The following PPP1R1A variants were observed in gnomAD, a reference collection of about 807,000 sequenced individuals.
PPP1R1A encodes protein phosphatase 1 regulatory inhibitor subunit 1A.
PPP1R1A carries 18 observed loss-of-function variants against 23.9 expected under a neutral mutation model. That is an observed-to-expected ratio of 0.75 (90% CI 0.52 to 1.12). The LOEUF is 1.12. Among genes scored for constraint, PPP1R1A ranks in the 50% most tolerant of loss-of-function variants. The pLI is 0.00. For missense variants in PPP1R1A, 207 were observed against 223.8 expected (o/e 0.92, Z 0.48); for synonymous variants, 84 against 80.7 (o/e 1.04, Z -0.22).
At chr12:54,583,371 C>T in intron 2 of PPP1R1A, 123 bp from the exon 3 acceptor site, 1 of 981,120 alleles carries the variant, frequency 1.0e-6, no homozygotes, top group Non-Finnish European at 1.4e-6. Context: ...TCACATCTGC[C>T]CCCAGGCTCT....
chr12:54,585,058 G>A (rs925886258), intron 1 of PPP1R1A, among the ~76,000 whole-genome samples: 4 of 152,194 alleles, frequency 2.6e-5, no homozygotes, highest in Non-Finnish European at 4.4e-5. Context: ...CATTTTGTGT[G>A]ACAGCGCCTG....
At chr12:54,587,151 T>A (rs1463781088) in intron 1 of PPP1R1A, among the ~76,000 whole-genome samples, 2 of 152,182 alleles carry the variant, frequency 1.3e-5, no homozygotes, top group Non-Finnish European at 2.9e-5. Context: ...ATCTCCACAT[T>A]GGGAAGCTGA....
At chr12:54,585,043 G>A (rs1182216636) in intron 1 of PPP1R1A, among the ~76,000 whole-genome samples, 6 of 151,412 alleles carry the variant, frequency 4.0e-5, no homozygotes, top group Non-Finnish European at 5.9e-5. Context: ...CAAGCAAGAT[G>A]TTAACATTTT....
intron 6 of PPP1R1A, 40 bp from the exon 7 acceptor site, chr12:54,580,432 G>A (rs1330362033): frequency 1.3e-6 from 2 of 1,579,720 alleles, no homozygotes; most frequent in South Asian, 1.1e-5. Context: ...AAGGTGAGAG[G>A]CCAGAGGGTC....
intron 4 of PPP1R1A, 71 bp downstream of exon 4, chr12:54,582,661 C>T: frequency 6.5e-7 from 1 of 1,545,440 alleles, no homozygotes; most frequent in Non-Finnish European, 8.9e-7. Flanking sequence ...ACCTCCCTTC[C>T]AAAGGGCATT....
chr12:54,583,123 T>G (rs2121206940), intron 3 of PPP1R1A, 88 bp downstream of exon 3: 1 of 1,398,226 alleles, frequency 7.2e-7, no homozygotes, highest in East Asian at 2.5e-5. Flanking sequence ...AAAAAGATCC[T>G]AGAGATGGGC....
intron 1 of PPP1R1A, 140 bp downstream of exon 1, chr12:54,588,265 C>CT: frequency 3.2e-6 from 1 of 311,224 alleles, no homozygotes; most frequent in South Asian, 1.2e-4. Context: ...GACCCCCCCC[C>CT]GCCCCCCGCA....
Position 54,582,859 on chromosome 12 carries a change from C to A in PPP1R1A, c.184-64G>T, listed in dbSNP as rs534606445. The stretch of plus-strand genomic sequence containing the variant: ...CCTTGCTCTCCAGACCCCTCCCTTG[C>A]CCTCTAGCCCCCCATGCCCTCCAGC... On this transcript the variant is annotated intron_variant, in intron 3 of 6. Coordinates refer to ENST00000257905, the MANE Select transcript of PPP1R1A (RefSeq NM_006741.4). 4.2e-5 allele frequency: 63 copies of A among 1,507,092 alleles called. No homozygotes were observed. In the Admixed American group the frequency reaches 9.1e-4, roughly 22 times the overall value. 93.4% of individuals were successfully genotyped at this position (1,507,092 alleles called of 1,614,324 possible).
intron 1 of PPP1R1A, among the ~76,000 whole-genome samples, chr12:54,585,232 T>G (rs1957898071): frequency 6.6e-6 from 1 of 152,160 alleles, no homozygotes; most frequent in African/African-American, 2.4e-5. Flanking sequence ...GGGGAATCCT[T>G]GTCATGGTAG....
chr12:54,583,526 G>A (rs1214807409), intron 2 of PPP1R1A, among the ~76,000 whole-genome samples: 1 of 152,198 alleles, frequency 6.6e-6, no homozygotes, highest in East Asian at 1.9e-4. Context: ...GATCCCCAAA[G>A]GCAGGATCTG....
At position 54,579,514 on chromosome 12, in the gene PPP1R1A, C is replaced by CT. The variant is rs1291238650; in HGVS notation, c.*872dup. The CT allele has an allele frequency of 7.1e-6, 7 of 985,396 alleles. No individual in the cohort carries two copies. Among genetic ancestry groups the CT allele is most frequent in the Non-Finnish European group, 7.2e-6 (6 of 829,944 alleles). The allele number at this position is 985,396 out of a possible 1,614,324, so 61.0% of individuals were successfully genotyped here. On this transcript the variant is annotated 3_prime_UTR_variant, in exon 7 of 7. Coordinates refer to ENST00000257905, the MANE Select transcript of PPP1R1A (RefSeq NM_006741.4). ...GGGGGAAAGAATCTTGCCTTCCCTC[C>CT]TTTCCTCTCTCCCACTACCTGGGAA...
Position 54,579,347 on chromosome 12 carries a change from T to C in PPP1R1A, c.*1040A>G. ...TGAGGCGTTCTCCCTCATATATATA[T>C]ATATATATATTTAGGTATGTATCTG... On this transcript the variant is annotated 3_prime_UTR_variant, in exon 7 of 7. Transcript: ENST00000257905. 4 of 981,040 alleles carry C rather than the reference T, an allele frequency of 4.1e-6. No homozygotes were observed. Among genetic ancestry groups the C allele is most frequent in the Non-Finnish European group, 4.8e-6 (4 of 826,122 alleles). The allele number at this position is 981,040 out of a possible 1,614,324, so 60.8% of individuals were successfully genotyped here.
chr12:54,587,297 T>TG (rs766480386), intron 1 of PPP1R1A, among the ~76,000 whole-genome samples: 1 of 151,862 alleles, frequency 6.6e-6, no homozygotes, highest in Non-Finnish European at 1.5e-5. Context: ...TTTTTTCAGG[T>TG]TGGGGGTGGC....
intron 1 of PPP1R1A, among the ~76,000 whole-genome samples, chr12:54,586,537 T>C (rs1207822647): frequency 6.6e-6 from 1 of 152,156 alleles, no homozygotes; most frequent in Admixed American, 6.5e-5. Flanking sequence ...TCCAACTCCT[T>C]TTGCCCTCCC....
chr12:54,585,111 G>T (rs944372172), intron 1 of PPP1R1A, among the ~76,000 whole-genome samples: 3 of 152,230 alleles, frequency 2.0e-5, no homozygotes, highest in African/African-American at 7.2e-5. Flanking sequence ...TGGGAGGACA[G>T]CACAGAGGAG....
chr12:54,583,656 A>G (rs1331056672), intron 2 of PPP1R1A, among the ~76,000 whole-genome samples: 1 of 152,160 alleles, frequency 6.6e-6, no homozygotes, highest in Non-Finnish European at 1.5e-5. Flanking sequence ...GTGATAGAGG[A>G]CAGTCAATTT....
Position 54,580,325 on chromosome 12 carries a change from A to G in PPP1R1A, c.*62T>C. On this transcript the variant is annotated 3_prime_UTR_variant, in exon 7 of 7. Coordinates refer to ENST00000257905, the MANE Select transcript of PPP1R1A (RefSeq NM_006741.4). ...TTCCCCAAAAGTGAAGGAATAAGAA[A>G]CAAATCCGGTGTCCATGCATTCCCA... 6.2e-7 allele frequency: 1 copy of G among 1,607,456 alleles called. No homozygotes were observed. Among genetic ancestry groups the G allele is most frequent in the Non-Finnish European group, 8.5e-7 (1 of 1,177,586 alleles).
At chr12:54,587,713 C>T (rs190673426) in intron 1 of PPP1R1A, among the ~76,000 whole-genome samples, 79 of 152,304 alleles carry the variant, frequency 5.2e-4, no homozygotes, top group Admixed American at 4.5e-3. Context: ...CCTCCCAGTG[C>T]TGCTGGCTCA....
rs549875134 is a variant in PPP1R1A at position 54,579,757 on chromosome 12, G to A, written c.*630C>T. Reference sequence around the variant, plus strand: ...ACAGCGGTCCCACAGCTGGAAGAGGGAACACATCCTGAAGCTTGGGAATCC... The same window carrying A: ...ACAGCGGTCCCACAGCTGGAAGAGGAAACACATCCTGAAGCTTGGGAATCC... On this transcript the variant is annotated 3_prime_UTR_variant, in exon 7 of 7. Transcript: ENST00000257905. The A allele has an allele frequency of 4.8e-5, 47 of 985,644 alleles. No homozygotes were observed. The South Asian group carries it at 2.1e-3, about 44-fold the overall frequency. 61.1% of individuals were successfully genotyped at this position (985,644 alleles called of 1,614,324 possible).
Sources: allele counts gnomAD v4.1 joint callset (sites outside exome capture counted in the v4.1 genomes callset), GRCh38; gene constraint gnomAD v4.1.1; transcripts MANE v1.5; gene names NCBI Gene and HGNC (gene_info 2026-07-23, HGNC 2026-07-21).